MAML2: variants seen among roughly 807,000 people sequenced by gnomAD.
MAML2 encodes mastermind-like protein 2.
A neutral mutation model predicts 96.1 loss-of-function variants in MAML2; 22 were observed. That is an observed-to-expected ratio of 0.23 (90% CI 0.16 to 0.33). The LOEUF (loss-of-function observed/expected upper bound fraction) is 0.33. MAML2 is among the 10% of genes least tolerant of loss of function. MAML2 has a pLI of 1.00. For missense variants in MAML2, 1,367 were observed against 1,392.4 expected, an observed-to-expected ratio of 0.98 and a Z score of 0.29; for synonymous variants, 561 against 521.3, an observed-to-expected ratio of 1.08 and a Z score of -1.04.
intron 1 of MAML2, among the ~76,000 whole-genome samples, chr11:96,226,276 G>T (rs920691183): frequency 2.0e-5 from 3 of 152,196 alleles, no homozygotes; most frequent in South Asian, 4.1e-4. Flanking sequence ...AGCAGGTAAG[G>T]TCCCAAACAA....
At chr11:96,112,878 T>C (rs1035530113) in intron 1 of MAML2, among the ~76,000 whole-genome samples, 2 of 152,220 alleles carry the variant, frequency 1.3e-5, no homozygotes, top group Admixed American at 6.5e-5. Flanking sequence ...AGAAAGAAAG[T>C]GTGAGGGCCA....
At chr11:96,211,761 T>G (rs1861976086) in intron 1 of MAML2, among the ~76,000 whole-genome samples, 1 of 152,136 alleles carries the variant, frequency 6.6e-6, no homozygotes, top group Admixed American at 6.5e-5. Flanking sequence ...TGCTAATATA[T>G]TACAATAGTT....
rs934921280 is a variant in MAML2 at position 96,332,613 on chromosome 11, T to A, written c.513+8770A>T. On this transcript the variant is annotated intron_variant, in intron 1 of 4. Coordinates refer to ENST00000524717, the MANE Select transcript of MAML2 (RefSeq NM_032427.4). ...ATCTCTGCACTTTGCACTTTAACAC[T>A]TCTGCGAAACAACCAAATGGGATAA... 5.3e-5 allele frequency among the ~76,000 whole-genome samples: 8 copies of A among 152,304 alleles called. No homozygotes were observed. In the East Asian group the frequency reaches 1.5e-3, roughly 29 times the overall value.
intron 1 of MAML2, among the ~76,000 whole-genome samples, chr11:96,195,396 G>GA (rs1861714752): frequency 6.6e-6 from 1 of 152,182 alleles, no homozygotes. Context: ...GCTGAAGGAG[G>GA]AAAGCTCAGA....
intron 1 of MAML2, among the ~76,000 whole-genome samples, chr11:96,100,873 G>C (rs1324474520): frequency 1.3e-5 from 2 of 151,694 alleles, no homozygotes; most frequent in African/African-American, 4.8e-5. Flanking sequence ...AGCCACTGGA[G>C]TAGCTGGGAC....
chr11:96,118,086 T>C (rs1860274636), intron 1 of MAML2, among the ~76,000 whole-genome samples: 1 of 152,188 alleles, frequency 6.6e-6, no homozygotes, highest in African/African-American at 2.4e-5. Context: ...TTGATTTCAG[T>C]GTTCAGGAAG....
intron 1 of MAML2, among the ~76,000 whole-genome samples, chr11:96,111,855 G>C (rs1860129424): frequency 6.6e-6 from 1 of 152,190 alleles, no homozygotes; most frequent in Non-Finnish European, 1.5e-5. Context: ...GGTTGAGGGA[G>C]ACTTCAGCAT....
chr11:95,983,179 T>G (rs920288389), intron 4 of MAML2, among the ~76,000 whole-genome samples: 1 of 152,116 alleles, frequency 6.6e-6, no homozygotes, highest in Admixed American at 6.6e-5. Context: ...TGGGTCAAGA[T>G]GTGGTGGATG....
At chr11:96,043,194 A>G (rs909061598) in intron 2 of MAML2, among the ~76,000 whole-genome samples, 4 of 152,216 alleles carry the variant, frequency 2.6e-5, no homozygotes, top group African/African-American at 9.7e-5. Flanking sequence ...GCTAATACTG[A>G]TATCATTTTA....
chr11:96,158,009 T>C (rs929193892), intron 1 of MAML2, among the ~76,000 whole-genome samples: 6 of 152,324 alleles, frequency 3.9e-5, no homozygotes, highest in African/African-American at 1.4e-4. Context: ...TCAAGGAGAA[T>C]TATCTATTGT....
intron 3 of MAML2, among the ~76,000 whole-genome samples, chr11:95,988,923 G>C (rs1329737715): frequency 1.3e-5 from 2 of 152,116 alleles, no homozygotes; most frequent in African/African-American, 4.8e-5. Context: ...ATCTGTTATA[G>C]TACATATCTG....
intron 4 of MAML2, among the ~76,000 whole-genome samples, chr11:95,984,861 G>A (rs1237646555): frequency 6.6e-6 from 1 of 152,170 alleles, no homozygotes; most frequent in African/African-American, 2.4e-5. Context: ...GGGCAGAAGC[G>A]TATTGAATAG....
At chr11:96,251,658 G>A (rs1294812053) in intron 1 of MAML2, among the ~76,000 whole-genome samples, 1 of 152,090 alleles carries the variant, frequency 6.6e-6, no homozygotes, top group East Asian at 1.9e-4. Context: ...CATGTTATGA[G>A]GTGTTAGAGG....
intron 2 of MAML2, among the ~76,000 whole-genome samples, chr11:96,015,831 T>G (rs1231764084): frequency 3.3e-5 from 5 of 152,132 alleles, no homozygotes; most frequent in Non-Finnish European, 2.9e-5. Flanking sequence ...GAATCATGAA[T>G]GTAGGGATTA....
intron 1 of MAML2, among the ~76,000 whole-genome samples, chr11:96,282,073 C>T (rs548840459): frequency 1.9e-4 from 29 of 151,874 alleles, no homozygotes; most frequent in African/African-American, 6.8e-4. Flanking sequence ...CATGGTGAAA[C>T]CCCATCTCTA....
intron 1 of MAML2, among the ~76,000 whole-genome samples, chr11:96,292,603 A>G (rs1193669399): frequency 3.6e-4 from 55 of 152,312 alleles, no homozygotes; most frequent in Admixed American, 3.6e-3. Flanking sequence ...CTTCTCTACC[A>G]TGTCTCTCCT....
intron 2 of MAML2, among the ~76,000 whole-genome samples, chr11:96,081,377 T>C (rs912419896): frequency 6.6e-6 from 1 of 152,080 alleles, no homozygotes; most frequent in Non-Finnish European, 1.5e-5. Flanking sequence ...GTCAACAGTG[T>C]CATGGTGTCT....
intron 1 of MAML2, among the ~76,000 whole-genome samples, chr11:96,103,962 T>G (rs2135824628): frequency 6.6e-6 from 1 of 152,378 alleles, no homozygotes; most frequent in East Asian, 1.9e-4. Flanking sequence ...TCACCGGATA[T>G]GCTCTGCCTT....
chr11:96,297,572 A>G (rs1863321213), intron 1 of MAML2, among the ~76,000 whole-genome samples: 2 of 152,042 alleles, frequency 1.3e-5, no homozygotes, highest in South Asian at 4.1e-4. Flanking sequence ...ACAGAACGAG[A>G]CTCCATCTCA....
Sources: gnomAD v4.1 joint callset for allele counts (sites outside exome capture counted in the v4.1 genomes callset) on GRCh38, gnomAD v4.1.1 for gene constraint, MANE v1.5 for transcripts, NCBI Gene and HGNC (gene_info 2026-07-23, HGNC 2026-07-21) for gene names.